Variants in ALPK2 observed in about 807,000 individuals in gnomAD.
ALPK2 encodes alpha-protein kinase 2.
Under a neutral mutation model 163.1 loss-of-function variants are expected in ALPK2, and 127 were observed. That is an observed-to-expected ratio of 0.78 (90% confidence interval 0.67 to 0.90). The LOEUF (loss-of-function observed/expected upper bound fraction) is 0.90, where lower values mean the gene tolerates loss of function less well. Ranked by LOEUF, ALPK2 falls within the 40% of genes least tolerant of loss-of-function variation. The pLI is 0.00. For synonymous variants in ALPK2, 953 were observed against 959.1 expected (o/e 0.99, Z 0.12); for missense variants, 2,360 against 2,589.6 (o/e 0.91, Z 1.92).
At chr18:58,550,073 G>A (rs1006177610) in intron 4 of ALPK2, among the ~76,000 whole-genome samples, 3 of 152,046 alleles carry the variant, frequency 2.0e-5, no homozygotes, top group Admixed American at 1.3e-4. Context: ...TTCAGATTGT[G>A]CAGAGATAAG....
At chr18:58,597,706 C>G (rs752131448) in intron 3 of ALPK2, among the ~76,000 whole-genome samples, 16 of 152,238 alleles carry the variant, frequency 1.1e-4, no homozygotes, top group Non-Finnish European at 1.9e-4. Flanking sequence ...AGCCAGAACA[C>G]TTCCATATTT....
At chr18:58,487,074 A>G (rs1211752717) in intron 12 of ALPK2, among the ~76,000 whole-genome samples, 1 of 152,202 alleles carries the variant, frequency 6.6e-6, no homozygotes, top group Non-Finnish European at 1.5e-5. Context: ...GGATAGATAT[A>G]GGGGGTTGAG....
chr18:58,555,626 C>T (rs900897715), intron 4 of ALPK2, among the ~76,000 whole-genome samples: 1 of 152,188 alleles, frequency 6.6e-6, no homozygotes, highest in Non-Finnish European at 1.5e-5. Context: ...TACCCTTTAT[C>T]ATCTGGTGGG....
chr18:58,552,607 C>A (rs922437832), intron 4 of ALPK2, among the ~76,000 whole-genome samples: 3 of 152,176 alleles, frequency 2.0e-5, no homozygotes, highest in Admixed American at 2.0e-4. Context: ...TTGTTGAAAG[C>A]CGTCTATGTT....
intron 1 of ALPK2, among the ~76,000 whole-genome samples, chr18:58,616,241 A>T: frequency 6.6e-6 from 1 of 152,192 alleles, no homozygotes; most frequent in Non-Finnish European, 1.5e-5. Context: ...TTCCATCCAC[A>T]GTTCCTGGCT....
chr18:58,599,286 C>T (rs1208711410), intron 3 of ALPK2, among the ~76,000 whole-genome samples: 1 of 152,198 alleles, frequency 6.6e-6, no homozygotes, highest in Non-Finnish European at 1.5e-5. Context: ...ACCCTCGGAA[C>T]TCATTCAAGC....
intron 10 of ALPK2, among the ~76,000 whole-genome samples, chr18:58,508,131 G>A (rs180866534): frequency 4.5e-4 from 69 of 152,172 alleles, no homozygotes; most frequent in African/African-American, 1.6e-3. Context: ...CAGTGCAAGA[G>A]GACAATTTAG....
intron 2 of ALPK2, among the ~76,000 whole-genome samples, chr18:58,607,897 A>T (rs2144228194): frequency 6.6e-6 from 1 of 152,340 alleles, no homozygotes; most frequent in Non-Finnish European, 1.5e-5. Context: ...TCCAATAGAA[A>T]TGCAAATAAT....
At chr18:58,605,172 T>C (rs1263004189) in intron 3 of ALPK2, among the ~76,000 whole-genome samples, 1 of 151,980 alleles carries the variant, frequency 6.6e-6, no homozygotes. Context: ...GTAGGCAAAC[T>C]ATAGCCCGCA....
intron 8 of ALPK2, among the ~76,000 whole-genome samples, chr18:58,520,066 GCCATC>G (rs1267878089): frequency 6.6e-6 from 1 of 152,100 alleles, no homozygotes. Context: ...GCTTTGCAGA[GCCATC>G]CGTTGCCAGG....
chr18:58,481,975 A>C lies in ALPK2; in HGVS notation c.6361T>G (p.Cys2121Gly). 1 of 1,614,164 alleles carries C rather than the reference A, an allele frequency of 6.2e-7. No homozygotes were observed. The highest frequency in any genetic ancestry group is 8.5e-7 in the Non-Finnish European group (1 of 1,180,018). The change falls in exon 13 of 13, where the codon TGT becomes GGT. Residue 2121 changes from cysteine to glycine, a missense_variant. Physicochemically the swap from Cys to Gly is radical, Grantham distance 159. Transcript: ENST00000361673. Reference sequence around the variant, plus strand: ...CCCAGCATTTTGCAATACTTGTTACACTGGTGTAGTGCTTTAAACTGATCA... The same window carrying C: ...CCCAGCATTTTGCAATACTTGTTACCCTGGTGTAGTGCTTTAAACTGATCA... ...FIDQFKALHQ[C>G]NKYCKMLGLK...
chr18:58,544,095 T>C (rs776117861), intron 4 of ALPK2: 1 of 152,180 alleles, frequency 6.6e-6, no homozygotes. Context: ...GCCTAGCACA[T>C]AGGGACTCAA....
At chr18:58,624,178 T>C (rs1446070894) in intron 1 of ALPK2, among the ~76,000 whole-genome samples, 3 of 152,186 alleles carry the variant, frequency 2.0e-5, no homozygotes, top group Non-Finnish European at 4.4e-5. Context: ...TGTGGCACTC[T>C]CCAAAAAGTA....
chr18:58,573,613 CTT>C (rs778622176), intron 4 of ALPK2, among the ~76,000 whole-genome samples: 743 of 51,768 alleles, frequency 0.014, 13 homozygotes, highest in African/African-American at 0.055. Context: ...TTTTTGTCTT[CTT>C]TTTTTTTTTT....
chr18:58,581,735 A>G (rs776081225), intron 3 of ALPK2, among the ~76,000 whole-genome samples: 4 of 152,182 alleles, frequency 2.6e-5, no homozygotes, highest in Non-Finnish European at 4.4e-5. Flanking sequence ...TGCTGACCTC[A>G]CTATAAGTAT....
At chr18:58,569,691 A>G (rs1395646836) in intron 4 of ALPK2, among the ~76,000 whole-genome samples, 2 of 152,220 alleles carry the variant, frequency 1.3e-5, no homozygotes, top group African/African-American at 4.8e-5. Context: ...CAGGTCCAGG[A>G]CAGTTAATGG....
At chr18:58,592,513 G>A (rs573266906) in intron 3 of ALPK2, among the ~76,000 whole-genome samples, 2 of 152,184 alleles carry the variant, frequency 1.3e-5, no homozygotes, top group African/African-American at 4.8e-5. Context: ...GAATGATCAG[G>A]TCATGTGTAA....
intron 3 of ALPK2, among the ~76,000 whole-genome samples, chr18:58,604,488 G>A (rs2052088011): frequency 6.6e-6 from 1 of 152,142 alleles, no homozygotes; most frequent in Admixed American, 6.5e-5. Context: ...TTGGTCAAGC[G>A]CGAAGCCCAA....
chr18:58,520,405 G>A (rs916789913), intron 8 of ALPK2, among the ~76,000 whole-genome samples: 67 of 129,174 alleles, frequency 5.2e-4, no homozygotes, highest in Non-Finnish European at 7.9e-4. Flanking sequence ...CTTTAGCCTG[G>A]GTGACAGAAT....
Sources: gnomAD v4.1 joint callset for allele counts (sites outside exome capture counted in the v4.1 genomes callset) on GRCh38, gnomAD v4.1.1 for gene constraint, MANE v1.5 for transcripts, NCBI Gene and HGNC (gene_info 2026-07-23, HGNC 2026-07-21) for gene names.